Variants in TOX3 observed in about 807,000 individuals in gnomAD.
TOX3 encodes TOX high mobility group box family member 3, also known as CAG trinucleotide repeat-containing gene F9 protein.
A neutral mutation model predicts 64.3 loss-of-function variants in TOX3; 22 were observed. The observed-to-expected ratio is 0.34, with a 90% CI of 0.24 to 0.49. TOX3 has a LOEUF of 0.49. Among genes scored for constraint, TOX3 ranks in the 20% least tolerant of loss-of-function variants. The pLI is 0.99. For synonymous variants in TOX3, 291 were observed against 273.6 expected, an observed-to-expected ratio of 1.06 and a Z score of -0.63; for missense variants, 661 against 714.4, an observed-to-expected ratio of 0.93 and a Z score of 0.85.
At chr16:52,484,709 A>G (rs1961461364) in intron 1 of TOX3, among the ~76,000 whole-genome samples, 1 of 152,168 alleles carries the variant, frequency 6.6e-6, no homozygotes, top group Non-Finnish European at 1.5e-5. Flanking sequence ...GATAACAGTC[A>G]AATAACTACA....
chr16:52,464,922 A>T (rs1960808732), intron 2 of TOX3, among the ~76,000 whole-genome samples: 1 of 151,522 alleles, frequency 6.6e-6, no homozygotes, highest in Non-Finnish European at 1.5e-5. Context: ...CTATATTGAT[A>T]TAGAAATACT....
Position 52,439,289 on chromosome 16 carries a change from T to C in TOX3, c.1667A>G (p.Gln556Arg), listed in dbSNP as rs761154956. ...CTGAGACTGTATTTGCGACTGGTGC[T>C]GCTGAGAGGCTGGCTGGGGGCTCCC... ...AIGSPQPASQ[Q>R]HQSQIQSQTQ... The change falls in exon 7 of 7, where the codon CAG (glutamine) becomes CGG (arginine). Residue 556 changes from glutamine (Q) to arginine (R), a missense_variant. Transcript: ENST00000219746. 8.7e-6 allele frequency: 14 copies of C among 1,613,780 alleles called. No individual in the cohort carries two copies. Among genetic ancestry groups the C allele is most frequent in the Middle Eastern group, 3.3e-4 (2 of 6,082 alleles).
intron 4 of TOX3, among the ~76,000 whole-genome samples, 174 bp downstream of exon 4, chr16:52,450,103 T>C (rs755080078): frequency 2.6e-5 from 4 of 152,230 alleles, no homozygotes; most frequent in Non-Finnish European, 5.9e-5. Flanking sequence ...CAGTCCAATA[T>C]ACTTTCTACA....
chr16:52,444,678 C>A (rs955498233), intron 5 of TOX3: 1 of 217,656 alleles, frequency 4.6e-6, no homozygotes, highest in Non-Finnish European at 8.9e-6. Flanking sequence ...AAACCTCATG[C>A]TAAGGCAATA....
At chr16:52,516,631 C>T (rs1289349108) in intron 1 of TOX3, among the ~76,000 whole-genome samples, 1 of 151,964 alleles carries the variant, frequency 6.6e-6, no homozygotes, top group East Asian at 1.9e-4. Context: ...TATATGCTAC[C>T]CATAAAGGTT....
intron 1 of TOX3, among the ~76,000 whole-genome samples, chr16:52,532,306 C>A (rs1012937918): frequency 6.6e-6 from 1 of 152,186 alleles, no homozygotes; most frequent in Admixed American, 6.5e-5. Flanking sequence ...CTTGCTTTAG[C>A]CAGTAGAATG....
chr16:52,445,314 T>C (rs1202752651), intron 5 of TOX3: 2 of 152,234 alleles, frequency 1.3e-5, no homozygotes, highest in African/African-American at 4.8e-5. Context: ...CTTCTGTGGA[T>C]ATGTAAAAGT....
At chr16:52,465,751 A>T (rs947357390) in intron 2 of TOX3, among the ~76,000 whole-genome samples, 7 of 152,140 alleles carry the variant, frequency 4.6e-5, no homozygotes, top group Non-Finnish European at 7.4e-5. Flanking sequence ...TTTCTTACAT[A>T]TAGAACCTGT....
intron 1 of TOX3, among the ~76,000 whole-genome samples, chr16:52,538,427 A>G (rs1963006156): frequency 6.6e-6 from 1 of 152,142 alleles, no homozygotes; most frequent in South Asian, 2.1e-4. Context: ...TGCTGGAAAA[A>G]ATCTCACAAT....
intron 3 of TOX3, among the ~76,000 whole-genome samples, chr16:52,462,903 CAAAGA>C (rs1960735273): frequency 6.6e-6 from 1 of 151,616 alleles, no homozygotes; most frequent in Non-Finnish European, 1.5e-5. Flanking sequence ...AGATCACAAG[CAAAGA>C]AAATTATGTT....
chr16:52,536,049 A>G (rs1290756850), intron 1 of TOX3, among the ~76,000 whole-genome samples: 2 of 152,136 alleles, frequency 1.3e-5, no homozygotes, highest in African/African-American at 4.8e-5. Context: ...GCTCAACAGT[A>G]TTTTTATTCA....
chr16:52,520,227 C>A (rs1962571574), intron 1 of TOX3, among the ~76,000 whole-genome samples: 1 of 152,080 alleles, frequency 6.6e-6, no homozygotes, highest in Non-Finnish European at 1.5e-5. Context: ...TGGTTGAACA[C>A]CTTCAGTTTT....
chr16:52,507,784 A>C (rs182996467), intron 1 of TOX3, among the ~76,000 whole-genome samples: 3 of 152,370 alleles, frequency 2.0e-5, no homozygotes, highest in Admixed American at 1.3e-4. Flanking sequence ...CAGTGTGTCT[A>C]TGATCTTAAT....
rs558152934 is a variant in TOX3, at chr16:52,528,245, C to T, written c.87+18392G>A. Among the ~76,000 whole-genome samples, 6 of 152,178 alleles carry T rather than the reference C, an allele frequency of 3.9e-5. No individual in the cohort carries two copies. The South Asian group carries it at 1.0e-3, about 26-fold the overall frequency. On this transcript the variant is annotated intron_variant, in intron 1 of 6. Transcript: ENST00000219746. Reference sequence around the variant, plus strand: ...TGGTAATGGTAACATTAATGAAATGCTTGGTATACAGAGAGTTATAGTGCA... The same window carrying T: ...TGGTAATGGTAACATTAATGAAATGTTTGGTATACAGAGAGTTATAGTGCA...
chr16:52,485,246 G>GTGTGTATATATATATA (rs1555484130), intron 1 of TOX3, among the ~76,000 whole-genome samples: 12 of 127,866 alleles, frequency 9.4e-5, no homozygotes, highest in African/African-American at 3.7e-4. Context: ...ATGTGTGTGT[G>GTGTGTATATATATATA]TATATATATA....
chr16:52,520,287 T>C (rs1313451214), intron 1 of TOX3, among the ~76,000 whole-genome samples: 2 of 152,210 alleles, frequency 1.3e-5, no homozygotes, highest in African/African-American at 2.4e-5. Flanking sequence ...TTAAAACTTT[T>C]ATTTTAAAAG....
intron 1 of TOX3, among the ~76,000 whole-genome samples, chr16:52,515,161 AC>A (rs1757293212): frequency 6.6e-6 from 1 of 151,152 alleles, no homozygotes; most frequent in Admixed American, 6.6e-5. Flanking sequence ...CAAATGAATA[AC>A]TTAAAAGTAT....
rs1206815248 is a variant in TOX3, at chr16:52,439,229, A to G, written c.1727T>C (p.Phe576Ser). 1.2e-6 allele frequency: 2 copies of G among 1,613,882 alleles called. No individual in the cohort carries two copies. Among genetic ancestry groups the G allele is most frequent in the Non-Finnish European group, 8.5e-7 (1 of 1,179,842 alleles). The part of the protein sequence containing the change: ...QTQVLSQVSI[F>S] ...ATCCGTCTGCCATATGCGTCTTCAG[A>G]AAATACTGACCTGCGATAATACTTG... Residue 576 changes from phenylalanine to serine, a missense_variant, in exon 7 of 7, where the codon TTC becomes TCC. Physicochemically the swap from Phe to Ser is radical, Grantham distance 155 (BLOSUM62 -2). This residue lies in a region of TOX3 where 299 missense variants were observed against 292.1 expected (regional missense o/e 1.02). Coordinates refer to ENST00000219746, the MANE Select transcript of TOX3 (RefSeq NM_001080430.4).
At chr16:52,449,132 T>C (rs1364978688) in intron 4 of TOX3, among the ~76,000 whole-genome samples, 1 of 152,238 alleles carries the variant, frequency 6.6e-6, no homozygotes, top group Admixed American at 6.5e-5. Flanking sequence ...AATTTCCTTT[T>C]CTTTGGTCCC....
Sources: allele counts gnomAD v4.1 joint callset (sites outside exome capture counted in the v4.1 genomes callset), GRCh38; gene constraint gnomAD v4.1.1; regional missense constraint gnomAD v4.1.1; transcripts MANE v1.5; gene names NCBI Gene and HGNC (gene_info 2026-07-23, HGNC 2026-07-21).